Variants in NLGN1 observed in about 807,000 individuals in gnomAD.
NLGN1 encodes the protein neuroligin 1.
A neutral mutation model predicts 65.5 loss-of-function variants in NLGN1; 12 were observed. That is an observed-to-expected ratio of 0.18 (90% confidence interval 0.12 to 0.30). The LOEUF (loss-of-function observed/expected upper bound fraction) is 0.30, where lower values mean the gene tolerates loss of function less well. Ranked by LOEUF, NLGN1 falls within the 10% of genes least tolerant of loss-of-function variation. The pLI is 1.00. For missense variants in NLGN1, 750 were observed against 1,007.1 expected, an observed-to-expected ratio of 0.74 and a Z score of 3.46; for synonymous variants, 350 against 359.5, an observed-to-expected ratio of 0.97 and a Z score of 0.30.
intron 2 of NLGN1, among the ~76,000 whole-genome samples, chr3:173,485,808 G>A (rs1728078712): frequency 6.6e-6 from 1 of 152,198 alleles, no homozygotes; most frequent in Admixed American, 6.5e-5. Context: ...TCCTACATAG[G>A]TAATCAAATA....
intron 1 of NLGN1, among the ~76,000 whole-genome samples, chr3:173,401,764 C>T (rs1717748986): frequency 6.6e-6 from 1 of 152,112 alleles, no homozygotes; most frequent in African/African-American, 2.4e-5. Flanking sequence ...TGAATCAATA[C>T]ATAAAATTCG....
chr3:173,774,932 G>A (rs533493985), intron 3 of NLGN1, among the ~76,000 whole-genome samples: 1 of 152,022 alleles, frequency 6.6e-6, no homozygotes, highest in South Asian at 2.1e-4. Context: ...TTTACCTATA[G>A]TTTTAATGCA....
chr3:173,407,604 G>C (rs997827332), intron 1 of NLGN1, among the ~76,000 whole-genome samples: 1 of 152,162 alleles, frequency 6.6e-6, no homozygotes, highest in Non-Finnish European at 1.5e-5. Context: ...GTTAGTGGAG[G>C]AGGTATTATT....
chr3:174,239,914 C>A (rs1011172367), intron 4 of NLGN1, among the ~76,000 whole-genome samples: 1 of 151,958 alleles, frequency 6.6e-6, no homozygotes, highest in Admixed American at 6.6e-5. Flanking sequence ...TATTATCCAG[C>A]AAAAACAATG....
At chr3:173,759,791 T>C (rs909556421) in intron 3 of NLGN1, among the ~76,000 whole-genome samples, 2 of 152,020 alleles carry the variant, frequency 1.3e-5, no homozygotes, top group Non-Finnish European at 2.9e-5. Flanking sequence ...TTTTTAAATC[T>C]TTTGTATATA....
intron 3 of NLGN1, among the ~76,000 whole-genome samples, chr3:173,625,418 G>A (rs141773580): frequency 3.4e-4 from 52 of 152,176 alleles, no homozygotes; most frequent in African/African-American, 1.2e-3. Context: ...AGAAATTTAG[G>A]TTTGCCAGTT....
intron 4 of NLGN1, among the ~76,000 whole-genome samples, chr3:174,014,690 A>G (rs936155047): frequency 6.6e-6 from 1 of 152,200 alleles, no homozygotes; most frequent in African/African-American, 2.4e-5. Context: ...GGAGTTAGAC[A>G]AACAAGGTAG....
chr3:173,456,916 T>C (rs1722600203), intron 2 of NLGN1, among the ~76,000 whole-genome samples: 2 of 152,122 alleles, frequency 1.3e-5, no homozygotes, highest in African/African-American at 4.8e-5. Context: ...ATGGATCCCC[T>C]GACAAGAGTT....
At chr3:173,472,740 G>T (rs1039796834) in intron 2 of NLGN1, among the ~76,000 whole-genome samples, 14 of 152,214 alleles carry the variant, frequency 9.2e-5, no homozygotes, top group African/African-American at 2.6e-4. Flanking sequence ...GGACACAAGT[G>T]CTTGAAGAAT....
At chr3:174,270,611 CAGAT>C (rs1401563444) in intron 4 of NLGN1, among the ~76,000 whole-genome samples, 3 of 151,728 alleles carry the variant, frequency 2.0e-5, no homozygotes, top group Non-Finnish European at 4.4e-5. Context: ...TGAGTAGTGA[CAGAT>C]AGAAGGGATA....
intron 3 of NLGN1, among the ~76,000 whole-genome samples, chr3:173,742,377 A>C (rs768480904): frequency 6.6e-6 from 1 of 151,146 alleles, no homozygotes; most frequent in Admixed American, 6.6e-5. Context: ...AATGTAATTA[A>C]CACCTGTTCT....
chr3:173,571,720 A>G (rs1057035273), intron 2 of NLGN1, among the ~76,000 whole-genome samples: 1 of 152,232 alleles, frequency 6.6e-6, no homozygotes, highest in African/African-American at 2.4e-5. Context: ...TAGTAGTTTC[A>G]TAACAAAGCT....
At chr3:173,877,308 C>T (rs1202870341) in intron 4 of NLGN1, among the ~76,000 whole-genome samples, 2 of 151,950 alleles carry the variant, frequency 1.3e-5, no homozygotes, top group Non-Finnish European at 2.9e-5. Context: ...AATGAGAAAA[C>T]ATTAGATAGA....
At chr3:174,075,024 T>C (rs1404776) in intron 4 of NLGN1, among the ~76,000 whole-genome samples, 1 of 151,966 alleles carries the variant, frequency 6.6e-6, no homozygotes, top group Admixed American at 6.6e-5. Flanking sequence ...ACATTCCTGA[T>C]TCTAGTGCTG....
intron 4 of NLGN1, among the ~76,000 whole-genome samples, chr3:173,977,429 A>C (rs955581786): frequency 1.3e-5 from 2 of 152,074 alleles, no homozygotes; most frequent in African/African-American, 4.8e-5. Flanking sequence ...CAAAAAGTGA[A>C]GGGCAACTTT....
At chr3:173,693,389 T>G (rs1765749916) in intron 3 of NLGN1, among the ~76,000 whole-genome samples, 1 of 151,988 alleles carries the variant, frequency 6.6e-6, no homozygotes, top group East Asian at 1.9e-4. Flanking sequence ...ATGTAACATG[T>G]GAGAGTAGAA....
At chr3:173,746,185 T>G (rs1578228719) in intron 3 of NLGN1, among the ~76,000 whole-genome samples, 1 of 152,162 alleles carries the variant, frequency 6.6e-6, no homozygotes, top group East Asian at 1.9e-4. Flanking sequence ...ACCAGTTATT[T>G]GGCAGGCTAA....
intron 4 of NLGN1, among the ~76,000 whole-genome samples, chr3:174,254,482 A>C (rs1745322642): frequency 6.6e-6 from 1 of 151,956 alleles, no homozygotes; most frequent in African/African-American, 2.4e-5. Context: ...CTGTGTTTCT[A>C]GATCATTTGT....
intron 4 of NLGN1, among the ~76,000 whole-genome samples, chr3:173,948,627 G>T (rs939558692): frequency 1.3e-5 from 2 of 152,204 alleles, no homozygotes; most frequent in Admixed American, 1.3e-4. Flanking sequence ...ACATTCCATA[G>T]ACAGGGAGAA....
Sources: allele counts gnomAD v4.1 joint callset (sites outside exome capture counted in the v4.1 genomes callset), GRCh38; gene constraint gnomAD v4.1.1; transcripts MANE v1.5; gene names NCBI Gene and HGNC (gene_info 2026-07-23, HGNC 2026-07-21).